The following BBS9 variants were observed in gnomAD, a reference collection of about 807,000 sequenced individuals.
BBS9 encodes protein PTHB1.
Under a neutral mutation model 117.7 loss-of-function variants are expected in BBS9, and 89 were observed. The observed-to-expected ratio is 0.76, with a 90% CI of 0.64 to 0.90. BBS9 has a LOEUF of 0.90. Among genes scored for constraint, BBS9 ranks in the 40% least tolerant of loss-of-function variants. The pLI, the probability that BBS9 is intolerant of heterozygous loss-of-function variation, is 0.00. For missense variants in BBS9, 982 were observed against 1,042.2 expected, an observed-to-expected ratio of 0.94 and a Z score of 0.80; for synonymous variants, 379 against 370.9, an observed-to-expected ratio of 1.02 and a Z score of -0.25.
chr7:33,602,693 C>T (rs1863982826), intron 21 of BBS9, among the ~76,000 whole-genome samples: 1 of 152,120 alleles, frequency 6.6e-6, no homozygotes, highest in Admixed American at 6.5e-5. Context: ...CACGCCATTG[C>T]ACTCCAGCCT....
At chr7:33,388,669 T>C (rs1032789719) in intron 19 of BBS9, among the ~76,000 whole-genome samples, 1 of 152,214 alleles carries the variant, frequency 6.6e-6, no homozygotes, top group Non-Finnish European at 1.5e-5. Flanking sequence ...CCATCCATAG[T>C]TTATCATTTG....
chr7:33,536,681 T>TCCCCCCCCCCC (rs1563323298), intron 21 of BBS9, among the ~76,000 whole-genome samples: 5 of 44,202 alleles, frequency 1.1e-4, no homozygotes, highest in Admixed American at 1.8e-4. Context: ...GATTCGGCCT[T>TCCCCCCCCCCC]CCCCCCGCCC....
At chr7:33,435,576 T>G (rs1205218241) in intron 19 of BBS9, among the ~76,000 whole-genome samples, 1 of 151,844 alleles carries the variant, frequency 6.6e-6, no homozygotes. Context: ...AAAAATGTTT[T>G]TGTCTTCTCC....
chr7:33,487,031 A>T (rs1843207633), intron 19 of BBS9, among the ~76,000 whole-genome samples: 1 of 152,220 alleles, frequency 6.6e-6, no homozygotes. Context: ...TATAAATTGG[A>T]ATTCAATGCC....
At chr7:33,573,141 T>A (rs1585311609) in intron 21 of BBS9, among the ~76,000 whole-genome samples, 2 of 152,180 alleles carry the variant, frequency 1.3e-5, no homozygotes, top group South Asian at 4.1e-4. Flanking sequence ...TTCCCTAATT[T>A]TCTAATTTTC....
intron 21 of BBS9, among the ~76,000 whole-genome samples, chr7:33,570,435 TA>T (rs1448065966): frequency 1.3e-5 from 2 of 151,954 alleles, no homozygotes; most frequent in East Asian, 1.9e-4. Flanking sequence ...TAAATAAAAA[TA>T]GGGGGGAAAG....
In BBS9 at chr7:33,551,369, T is replaced by C. The variant is rs193233398; in HGVS notation, c.2521+17193T>C. 1.1e-3 allele frequency among the ~76,000 whole-genome samples: 161 copies of C among 152,244 alleles called. 2 individuals are homozygous for C. The highest frequency in any genetic ancestry group is 3.7e-3 in the African/African-American group (153 of 41,538). On this transcript the variant is annotated intron_variant, in intron 21 of 22. Transcript: ENST00000242067. Reference sequence around the variant, plus strand: ...AGCACCTAATCAGTATATGTGACTATGTACTGTGTAAATAAATTACCTGAT... The same window carrying C: ...AGCACCTAATCAGTATATGTGACTACGTACTGTGTAAATAAATTACCTGAT...
chr7:33,521,236 C>T (rs1848544423), intron 20 of BBS9, among the ~76,000 whole-genome samples: 1 of 152,144 alleles, frequency 6.6e-6, no homozygotes, highest in Non-Finnish European at 1.5e-5. Flanking sequence ...AGAAATGTTC[C>T]TGGCAAAATA....
intron 20 of BBS9, among the ~76,000 whole-genome samples, chr7:33,529,497 C>T (rs375337921): frequency 0.016 from 2 of 128 alleles, no homozygotes; most frequent in Non-Finnish European, 0.029. Context: ...CCAAAAAATC[C>T]CCACAAAACC....
At chr7:33,518,483 T>C (rs1199911385) in intron 20 of BBS9, among the ~76,000 whole-genome samples, 1 of 151,910 alleles carries the variant, frequency 6.6e-6, no homozygotes. Flanking sequence ...TCTCTTGACC[T>C]TGTGATCCGC....
intron 22 of BBS9, 47 bp from the exon 23 acceptor site, chr7:33,605,148 A>T (rs1864405584): frequency 6.4e-7 from 1 of 1,566,574 alleles, no homozygotes; most frequent in Non-Finnish European, 8.8e-7. Context: ...TCCTGTCACT[A>T]TTCAGATCTT....
chr7:33,506,339 C>A (rs1846148719), intron 20 of BBS9, among the ~76,000 whole-genome samples: 2 of 152,066 alleles, frequency 1.3e-5, no homozygotes, highest in Non-Finnish European at 2.9e-5. Context: ...AAATTAGAGA[C>A]CGTTGAACTT....
Position 33,344,623 on chromosome 7 carries a change from G to A in BBS9, c.1318G>A (p.Val440Ile), listed in dbSNP as rs1817259253. Reference sequence around the variant, plus strand: ...GGTGGGAACTGACCTTGTCCCTTCTGTCACGGTGAAGGTATTGTACCAGAT... The same window carrying A: ...GGTGGGAACTGACCTTGTCCCTTCTATCACGGTGAAGGTATTGTACCAGAT... ...VEVGTDLVPS[V>I]TVKVTLQNRV... Residue 440 changes from valine to isoleucine, a missense_variant, in exon 12 of 23, where the codon GTC becomes ATC. Physicochemically the swap from Val to Ile is conservative, Grantham distance 29 (BLOSUM62 3). Transcript: ENST00000242067. 6.2e-7 allele frequency: 1 copy of A among 1,613,974 alleles called. No homozygotes were observed. The highest frequency in any genetic ancestry group is 1.3e-5 in the African/African-American group (1 of 75,030).
intron 19 of BBS9, among the ~76,000 whole-genome samples, chr7:33,448,065 TC>T (rs1193384455): frequency 2.6e-5 from 4 of 152,188 alleles, no homozygotes; most frequent in Admixed American, 2.6e-4. Flanking sequence ...GTTCCGCAGT[TC>T]TGGCCAGTAA....
chr7:33,428,060 T>G (rs1377196143), intron 19 of BBS9, among the ~76,000 whole-genome samples: 2 of 152,146 alleles, frequency 1.3e-5, no homozygotes, highest in African/African-American at 4.8e-5. Context: ...ATGGCATTAT[T>G]TGGCTTGAGC....
At chr7:33,411,061 C>G (rs945593830) in intron 19 of BBS9, among the ~76,000 whole-genome samples, 26 of 146,682 alleles carry the variant, frequency 1.8e-4, no homozygotes, top group African/African-American at 6.0e-4. Context: ...TAGTGCAGAC[C>G]CTGTATATGC....
intron 17 of BBS9, among the ~76,000 whole-genome samples, chr7:33,382,085 C>T (rs1182670681): frequency 6.6e-6 from 1 of 152,130 alleles, no homozygotes; most frequent in Non-Finnish European, 1.5e-5. Flanking sequence ...CCCAGTGTGT[C>T]TCTTTATGAC....
At chr7:33,240,766 T>C (rs2128282469) in intron 5 of BBS9, among the ~76,000 whole-genome samples, 1 of 152,350 alleles carries the variant, frequency 6.6e-6, no homozygotes, top group Middle Eastern at 3.4e-3. Flanking sequence ...ATTTAGATAT[T>C]CTTTTATGTC....
intron 19 of BBS9, among the ~76,000 whole-genome samples, chr7:33,389,361 T>A (rs1826601550): frequency 6.6e-6 from 1 of 152,180 alleles, no homozygotes; most frequent in African/African-American, 2.4e-5. Context: ...AATAGCTTAC[T>A]ATGTTTTTGC....
Sources: allele counts gnomAD v4.1 joint callset (sites outside exome capture counted in the v4.1 genomes callset), GRCh38; gene constraint gnomAD v4.1.1; transcripts MANE v1.5; gene names NCBI Gene and HGNC (gene_info 2026-07-23, HGNC 2026-07-21).